Variants in ALK observed in about 807,000 individuals in gnomAD.
ALK encodes the protein ALK receptor tyrosine kinase, also known as ALK tyrosine kinase receptor.
ALK carries 74 observed loss-of-function variants against 163.1 expected under a neutral mutation model. The observed-to-expected ratio is 0.45, with a 90% CI of 0.38 to 0.55. The LOEUF is 0.55. Among genes scored for constraint, ALK ranks in the 20% least tolerant of loss-of-function variants. The probability of loss-of-function intolerance (pLI) is 0.00; values close to 1 mark genes in which losing one functional copy is unlikely to be tolerated. For synonymous variants in ALK, 960 were observed against 843.2 expected (o/e 1.14, Z -2.40); for missense variants, 2,063 against 2,105.3 (o/e 0.98, Z 0.39).
intron 3 of ALK, among the ~76,000 whole-genome samples, chr2:29,663,755 T>C (rs1677423861): frequency 1.3e-5 from 2 of 152,192 alleles, no homozygotes. Context: ...GTTGTGAAAG[T>C]TTAAATTTTG....
At chr2:29,277,068 A>T (rs1206209005) in intron 9 of ALK, among the ~76,000 whole-genome samples, 1 of 152,210 alleles carries the variant, frequency 6.6e-6, no homozygotes, top group Non-Finnish European at 1.5e-5. Context: ...TTGGCCACAT[A>T]GGGTGTCAAG....
chr2:29,770,326 G>A (rs1347432285), intron 1 of ALK, among the ~76,000 whole-genome samples: 1 of 152,186 alleles, frequency 6.6e-6, no homozygotes, highest in East Asian at 1.9e-4. Flanking sequence ...CAAAAGGAAA[G>A]ACCTAAAGGT....
At position 29,218,035 on chromosome 2, in the gene ALK, C is replaced by T. The variant is rs573912114; in HGVS notation, c.3645+2671G>A. Among the ~76,000 whole-genome samples the T allele has an allele frequency of 2.4e-4, 37 of 152,268 alleles. 1 individual carries two copies. The South Asian group carries it at 6.4e-3, about 26-fold the overall frequency. Reference sequence around the variant, plus strand: ...CTTACAAAGTTGGATTTTGTGGCCCCGAGAATCCATGCAGGAAGCCCAGCT... The same window carrying T: ...CTTACAAAGTTGGATTTTGTGGCCCTGAGAATCCATGCAGGAAGCCCAGCT... On this transcript the variant is annotated intron_variant, in intron 23 of 28. Coordinates refer to ENST00000389048, the MANE Select transcript of ALK (RefSeq NM_004304.5).
At chr2:29,360,099 G>T (rs1668353068) in intron 5 of ALK, among the ~76,000 whole-genome samples, 2 of 152,170 alleles carry the variant, frequency 1.3e-5, no homozygotes, top group Non-Finnish European at 2.9e-5. Context: ...TTCTCAGGCA[G>T]AGCCTGAGGT....
chr2:29,799,766 T>C (rs1337810765), intron 1 of ALK, among the ~76,000 whole-genome samples: 1 of 152,012 alleles, frequency 6.6e-6, no homozygotes, highest in East Asian at 1.9e-4. Context: ...GAAAAATACA[T>C]TAAAAATCAT....
At chr2:29,287,020 A>G (rs1665876227) in intron 9 of ALK, among the ~76,000 whole-genome samples, 1 of 151,756 alleles carries the variant, frequency 6.6e-6, no homozygotes, top group South Asian at 2.1e-4. Flanking sequence ...AGGTGTGGCC[A>G]TGTGACTTTT....
chr2:29,275,647 G>A (rs1309593803), intron 9 of ALK, 151 bp from the exon 10 acceptor site: 1 of 762,752 alleles, frequency 1.3e-6, no homozygotes, highest in East Asian at 2.7e-5. Flanking sequence ...GAGAAGAGCA[G>A]TCAGCTCCCC....
intron 8 of ALK, among the ~76,000 whole-genome samples, chr2:29,317,266 G>A (rs1435508508): frequency 6.6e-6 from 1 of 152,200 alleles, no homozygotes; most frequent in African/African-American, 2.4e-5. Flanking sequence ...TCCTGAAACT[G>A]AGCCAGACAG....
intron 4 of ALK, among the ~76,000 whole-genome samples, chr2:29,514,385 T>C (rs555369893): frequency 2.1e-4 from 32 of 151,504 alleles, no homozygotes; most frequent in African/African-American, 7.8e-4. Context: ...TCATTCTCAG[T>C]AAACTATCGC....
chr2:29,216,948 ATGTGATGTG>A lies in ALK; in HGVS notation c.3646-2876_3646-2868del, dbSNP rs1558619304. Among the ~76,000 whole-genome samples the A allele has an allele frequency of 1.6e-3, 113 of 70,996 alleles. 1 individual carries two copies. Among genetic ancestry groups the A allele is most frequent in the Non-Finnish European group, 3.6e-3 (100 of 28,000 alleles). 46.6% of individuals were successfully genotyped at this position (70,996 alleles called of 152,430 possible). On this transcript the variant is annotated intron_variant, in intron 23 of 28. Coordinates refer to ENST00000389048, the MANE Select transcript of ALK (RefSeq NM_004304.5). ...GGTGTGTGGGGGGTGTGTGTGTGGC[ATGTGATGTG>A]TGTGTGGTGTGTGCGTGGTGTGTGT...
intron 26 of ALK, among the ~76,000 whole-genome samples, chr2:29,205,274 T>G (rs1669282776): frequency 6.6e-6 from 1 of 151,884 alleles, no homozygotes; most frequent in African/African-American, 2.4e-5. Context: ...TCTTAAATGT[T>G]TGTTGATTCT....
intron 4 of ALK, among the ~76,000 whole-genome samples, chr2:29,526,099 T>A (rs1672953066): frequency 6.6e-6 from 1 of 152,128 alleles, no homozygotes; most frequent in Non-Finnish European, 1.5e-5. Context: ...TCCTGCCCAC[T>A]CTCCCATGAC....
intron 5 of ALK, among the ~76,000 whole-genome samples, chr2:29,329,920 C>T (rs1301837762): frequency 6.6e-6 from 1 of 152,142 alleles, no homozygotes; most frequent in Non-Finnish European, 1.5e-5. Context: ...TATCTCAGGC[C>T]CCACACCTGG....
chr2:29,770,119 A>C (rs1407826268), intron 1 of ALK, among the ~76,000 whole-genome samples: 1 of 152,224 alleles, frequency 6.6e-6, no homozygotes, highest in Admixed American at 6.5e-5. Flanking sequence ...GGAGAAATGG[A>C]GACTCCCGGT....
chr2:29,819,232 A>G (rs77012033), intron 1 of ALK, among the ~76,000 whole-genome samples: 5,343 of 152,324 alleles, frequency 0.035, 132 homozygotes, highest in Non-Finnish European at 0.053. Context: ...AAACTGAGAA[A>G]CACTGTTTTA....
intron 4 of ALK, among the ~76,000 whole-genome samples, chr2:29,446,834 A>T (rs1176206231): frequency 1.3e-5 from 2 of 152,222 alleles, no homozygotes; most frequent in African/African-American, 4.8e-5. Context: ...CAGGAAGAAG[A>T]GTTTAAACTT....
chr2:29,354,474 T>C (rs1668193717), intron 5 of ALK, among the ~76,000 whole-genome samples: 1 of 152,162 alleles, frequency 6.6e-6, no homozygotes, highest in Admixed American at 6.5e-5. Flanking sequence ...AAGGCAGCCC[T>C]TCTGGGCCAT....
rs147758851 is a variant in ALK, at chr2:29,482,949, C to T, written c.1154+48966G>A. On this transcript the variant is annotated intron_variant, in intron 4 of 28. Transcript: ENST00000389048. ...ATGGCAGCATGCTTTGATTTACAGC[C>T]CTGCCTTGGATCTGCCTGCTTTTCT... 8.5e-3 allele frequency among the ~76,000 whole-genome samples: 1,300 copies of T among 152,218 alleles called. 18 individuals carry two copies. Among genetic ancestry groups the T allele is most frequent in the African/African-American group, 0.03 (1,225 of 41,514 alleles).
intron 4 of ALK, among the ~76,000 whole-genome samples, chr2:29,466,439 A>G (rs1280987791): frequency 6.6e-6 from 1 of 152,232 alleles, no homozygotes; most frequent in Non-Finnish European, 1.5e-5. Flanking sequence ...TATATGCACA[A>G]TAATTTTCAA....
Sources: gnomAD v4.1 joint callset for allele counts (sites outside exome capture counted in the v4.1 genomes callset) on GRCh38, gnomAD v4.1.1 for gene constraint, MANE v1.5 for transcripts, NCBI Gene and HGNC (gene_info 2026-07-23, HGNC 2026-07-21) for gene names.